The following SFI1 variants were observed in gnomAD, a reference collection of about 807,000 sequenced individuals.
SFI1 encodes SFI1 centrin binding protein.
In SFI1, 195 loss-of-function variants were observed where a neutral mutation model predicts 207.5. That is an observed-to-expected ratio of 0.94 (90% CI 0.84 to 1.06). SFI1 has a LOEUF of 1.06. Ranked by LOEUF, SFI1 falls within the 50% of genes least tolerant of loss-of-function variation. SFI1 has a pLI of 0.00. For synonymous variants in SFI1, 630 were observed against 598.9 expected (o/e 1.05, Z -0.76); for missense variants, 1,634 against 1,588.0 (o/e 1.03, Z -0.49).
intron 1 of SFI1, among the ~76,000 whole-genome samples, chr22:31,506,381 A>C (rs1424686127): frequency 6.6e-6 from 1 of 152,144 alleles, no homozygotes; most frequent in Non-Finnish European, 1.5e-5. Context: ...GAAAAGAAAG[A>C]AAATGAAAAC....
rs761717943 is a variant in SFI1 at position 31,580,270 on chromosome 22, A to G, written c.1156-2A>G. 8.1e-6 allele frequency: 13 copies of G among 1,612,204 alleles called. No individual in the cohort carries two copies. In the East Asian group the frequency reaches 2.5e-4, roughly 30 times the overall value. ...AATCAGTTGTGTCCTTTCTTTGCAC[A>G]GTATTTTTGCTTTAGAGCCCTAAAA... On this transcript the variant is annotated splice_acceptor_variant, in intron 11 of 32. Coordinates refer to ENST00000400288, the MANE Select transcript of SFI1 (RefSeq NM_001007467.3). LOFTEE classifies it high-confidence loss of function.
intron 1 of SFI1, among the ~76,000 whole-genome samples, chr22:31,501,383 G>A (rs1460521847): frequency 4.6e-5 from 7 of 151,700 alleles, no homozygotes; most frequent in Non-Finnish European, 1.0e-4. Context: ...GTGCTAGCCA[G>A]GATGGTCTCG....
Position 31,540,175 on chromosome 22 carries a change from CCTT to C in SFI1, c.339-6683_339-6681del, listed in dbSNP as rs1169125064. 8.1e-5 allele frequency among the ~76,000 whole-genome samples: 8 copies of C among 99,254 alleles called. No homozygotes were observed. The South Asian group carries it at 3.3e-3, about 41-fold the overall frequency. The allele number at this position is 99,254 out of a possible 152,430, so 65.1% of individuals were successfully genotyped here. On this transcript the variant is annotated intron_variant, in intron 4 of 32. Coordinates refer to ENST00000400288, the MANE Select transcript of SFI1 (RefSeq NM_001007467.3). ...CAGACAAAAGAGATACCCTCTAACT[CCTT>C]CTGGCACGGGGTGGGGGGGTGGGAT...
At chr22:31,515,642 C>T (rs769162999) in intron 2 of SFI1, among the ~76,000 whole-genome samples, 2 of 151,998 alleles carry the variant, frequency 1.3e-5, no homozygotes, top group Non-Finnish European at 2.9e-5. Context: ...GCCTCACCCT[C>T]CCAAAGTACT....
In SFI1 at chr22:31,614,857, A is replaced by C. The variant is rs753585270; in HGVS notation, c.3065A>C (p.Gln1022Pro). The change falls in exon 28 of 33, where the codon CAG (glutamine) becomes CCG (proline). Residue 1022 changes from glutamine (Q) to proline (P), a missense_variant. Physicochemically the swap from Gln to Pro is moderately conservative, Grantham distance 76 (BLOSUM62 -1). Transcript: ENST00000400288. ...PHFLLEPAQSQRPQKPQEHGL... is the reference protein window; with the variant it reads ...PHFLLEPAQSPRPQKPQEHGL... ...TTCCTGTTGGAGCCTGCGCAGAGCCAGAGGTCCCTGGGGTGCAGCACCGTG... is the reference window on the plus strand; with the variant it reads ...TTCCTGTTGGAGCCTGCGCAGAGCCCGAGGTCCCTGGGGTGCAGCACCGTG... 6.2e-6 allele frequency: 10 copies of C among 1,613,730 alleles called. No homozygotes were observed. The highest frequency in any genetic ancestry group is 7.6e-6 in the Non-Finnish European group (9 of 1,179,986).
rs193183742 is a variant in SFI1, at chr22:31,578,305, T to G, written c.1085-77T>G. On this transcript the variant is annotated intron_variant, in intron 10 of 32. Coordinates refer to ENST00000400288, the MANE Select transcript of SFI1 (RefSeq NM_001007467.3). ...GTGTTATCCCCGATAGCCACGGCCC[T>G]TCAAGGTGGCTTGCTGAGAATGCAC... is the stretch of plus-strand genomic sequence containing the variant. 2.9e-5 allele frequency: 42 copies of G among 1,426,066 alleles called. No homozygotes were observed. The Admixed American group carries it at 8.1e-4, about 28-fold the overall frequency. The allele number at this position is 1,426,066 out of a possible 1,614,324, so 88.3% of individuals were successfully genotyped here. A position where few individuals can be genotyped will look rare whatever the true frequency, so the allele number is the denominator to read the frequency against.
rs1414590020 is a variant in SFI1 at position 31,611,773 on chromosome 22, A to G, written c.2423A>G (p.His808Arg). Residue 808 changes from histidine to arginine, a missense_variant, in exon 24 of 33, where the codon CAC becomes CGC. His to Arg is a conservative substitution (Grantham distance 29). Transcript: ENST00000400288. ...GCACTTGCTCTCCCCCAGCTCCTGCACAGGCAGAGCACCCAACTGCTGGCA... is the reference window on the plus strand; with the variant it reads ...GCACTTGCTCTCCCCCAGCTCCTGCGCAGGCAGAGCACCCAACTGCTGGCA... The part of the protein sequence containing the change: ...HLQCVRKRLL[H>R]RQSTQLLAQR... 1 of 1,613,372 alleles carries G rather than the reference A, an allele frequency of 6.2e-7. No individual in the cohort carries two copies. The highest frequency in any genetic ancestry group is 8.5e-7 in the Non-Finnish European group (1 of 1,179,960).
At chr22:31,509,688 C>G (rs567842393) in intron 2 of SFI1, among the ~76,000 whole-genome samples, 1 of 152,280 alleles carries the variant, frequency 6.6e-6, no homozygotes, top group African/African-American at 2.4e-5. Flanking sequence ...TCAATTCAAT[C>G]AAGTTGACAC....
At position 31,546,835 on chromosome 22, in the gene SFI1, T is replaced by G. The variant is rs200722396; in HGVS notation, c.339-26T>G. 106 of 1,425,870 alleles carry G rather than the reference T, an allele frequency of 7.4e-5. No homozygotes were observed. In the Admixed American group the frequency reaches 1.8e-3, roughly 25 times the overall value. The allele number at this position is 1,425,870 out of a possible 1,614,324, so 88.3% of individuals were successfully genotyped here. On this transcript the variant is annotated intron_variant, in intron 4 of 32. Coordinates refer to ENST00000400288, the MANE Select transcript of SFI1 (RefSeq NM_001007467.3). ...ATGTTAGCTCCAACATCATCATATA[T>G]ATATATGATTTTTTTTTTGCCGTAG...
At chr22:31,603,885 G>A (rs1270864657) in intron 18 of SFI1, 66 bp downstream of exon 18, 1 of 1,458,244 alleles carries the variant, frequency 6.9e-7, no homozygotes, top group Admixed American at 2.6e-5. Flanking sequence ...GTGTCAGCAG[G>A]ACTCACAGGC....
At chr22:31,594,000 GAGGGAC>G (rs1233556128) in intron 15 of SFI1, among the ~76,000 whole-genome samples, 4 of 86,756 alleles carry the variant, frequency 4.6e-5, no homozygotes, top group East Asian at 5.7e-4. Context: ...GGGAGAGGGA[GAGGGAC>G]AGGGAGAGGG....
chr22:31,617,210 G>A, intron 31 of SFI1, 132 bp downstream of exon 31: 2 of 876,664 alleles, frequency 2.3e-6, no homozygotes, highest in Non-Finnish European at 1.7e-6. Flanking sequence ...GCCATGGAGG[G>A]GTGTGGGGAG....
chr22:31,607,862 A>G (rs2069322511), intron 21 of SFI1, 75 bp from the exon 22 acceptor site: 1 of 1,356,672 alleles, frequency 7.4e-7, no homozygotes, highest in East Asian at 2.4e-5. Flanking sequence ...TCCAGGAGCC[A>G]CCGTCACAGA....
intron 27 of SFI1, 72 bp downstream of exon 27, chr22:31,613,927 A>G: frequency 2.0e-6 from 3 of 1,494,992 alleles, no homozygotes; most frequent in Non-Finnish European, 2.7e-6. Context: ...GCAGGGAGGA[A>G]AACAGCCCTG....
At chr22:31,598,205 T>C (rs897290721) in intron 15 of SFI1, among the ~76,000 whole-genome samples, 27 of 152,042 alleles carry the variant, frequency 1.8e-4, no homozygotes, top group Admixed American at 1.4e-3. Flanking sequence ...CAGAATGGTC[T>C]GGATCTCCTG....
At chr22:31,604,444 C>T in intron 19 of SFI1, 40 bp downstream of exon 19, 1 of 1,439,748 alleles carries the variant, frequency 6.9e-7, no homozygotes, top group Non-Finnish European at 9.2e-7. Context: ...GCTGTGGGGA[C>T]AGGGGAGGTT....
At chr22:31,589,193 A>T (rs1019586349) in intron 14 of SFI1, among the ~76,000 whole-genome samples, 19 of 127,118 alleles carry the variant, frequency 1.5e-4, no homozygotes, top group African/African-American at 5.0e-4. Flanking sequence ...AGTGAGTGAG[A>T]GTGTGTGTAT....
At chr22:31,598,610 G>A (rs1444174420) in intron 15 of SFI1, among the ~76,000 whole-genome samples, 4 of 149,000 alleles carry the variant, frequency 2.7e-5, no homozygotes, top group East Asian at 4.0e-4. Context: ...TAGTAGAGAC[G>A]GGGTTTCACT....
At position 31,530,341 on chromosome 22, in the gene SFI1, T is replaced by C. The variant is rs556553389; in HGVS notation, c.267-717T>C. Reference sequence around the variant, plus strand: ...TGGTCTCTACTAAAAATGCAAAAAATTAGCCAGGTGCAGTGGCGGGTGCCT... The same window carrying C: ...TGGTCTCTACTAAAAATGCAAAAAACTAGCCAGGTGCAGTGGCGGGTGCCT... On this transcript the variant is annotated intron_variant, in intron 3 of 32. Transcript: ENST00000400288. Among the ~76,000 whole-genome samples, 19 of 148,494 alleles carry C rather than the reference T, an allele frequency of 1.3e-4. No homozygotes were observed. The South Asian group carries it at 4.1e-3, about 32-fold the overall frequency.
Sources: allele counts gnomAD v4.1 joint callset (sites outside exome capture counted in the v4.1 genomes callset), GRCh38; gene constraint gnomAD v4.1.1; transcripts MANE v1.5; gene names NCBI Gene and HGNC (gene_info 2026-07-23, HGNC 2026-07-21).